SYNDIG1L: variants seen among roughly 807,000 people sequenced by gnomAD.
The protein encoded by SYNDIG1L is synapse differentiation inducing 1 like.
Under a neutral mutation model 20.1 loss-of-function variants are expected in SYNDIG1L, and 13 were observed. The ratio of observed to expected loss-of-function variants is 0.65; its 90% CI spans 0.42 to 1.03. The LOEUF is 1.03. Among genes scored for constraint, SYNDIG1L ranks in the 50% least tolerant of loss-of-function variants. The probability of loss-of-function intolerance (pLI) is 0.00; values close to 1 mark genes in which losing one functional copy is unlikely to be tolerated. For synonymous variants in SYNDIG1L, 128 were observed against 129.3 expected, an observed-to-expected ratio of 0.99 and a Z score of 0.07; for missense variants, 294 against 305.1, an observed-to-expected ratio of 0.96 and a Z score of 0.27.
At chr14:74,432,178 T>A in the SYNDIG1L span, among the ~76,000 whole-genome samples, 8,124 of 129,386 alleles carry the variant, frequency 0.063, 377 homozygotes, top group South Asian at 0.14. Flanking sequence ...TGTGTGTGTG[T>A]GTGAGAGAGA....
the SYNDIG1L span, among the ~76,000 whole-genome samples, chr14:74,462,894 AC>A: frequency 6.6e-6 from 1 of 152,168 alleles, no homozygotes; most frequent in South Asian, 2.1e-4. Context: ...TCAAGGAGCA[AC>A]TGTACTTGAG....
the SYNDIG1L span, among the ~76,000 whole-genome samples, chr14:74,467,701 G>A: frequency 1.3e-5 from 2 of 152,242 alleles, no homozygotes; most frequent in African/African-American, 2.4e-5. Flanking sequence ...GGAGGGATTG[G>A]GGGGAAGCCC....
chr14:74,413,600 C>CA (rs1249981031), intron 1 of SYNDIG1L, among the ~76,000 whole-genome samples: 5 of 149,588 alleles, frequency 3.3e-5, no homozygotes, highest in Non-Finnish European at 7.4e-5. Flanking sequence ...CTGTTTTCCA[C>CA]ATTTTTTTTT....
chr14:74,410,893 T>G lies in SYNDIG1L; in HGVS notation c.-57-1092A>C, dbSNP rs917099709. ...GGATCTAAGGTGGGGCCTCCTGGGT[T>G]CTGAGGTCTGGACCTGCACATCCCG... is the stretch of plus-strand genomic sequence containing the variant. On this transcript the variant is annotated intron_variant, in intron 1 of 3. Coordinates refer to ENST00000331628, the MANE Select transcript of SYNDIG1L (RefSeq NM_001105579.2). 5.3e-5 allele frequency among the ~76,000 whole-genome samples: 8 copies of G among 152,240 alleles called. No homozygotes were observed. The East Asian group carries it at 1.5e-3, about 29-fold the overall frequency.
the SYNDIG1L span, among the ~76,000 whole-genome samples, chr14:74,463,166 A>G: frequency 0.035 from 5,321 of 152,190 alleles, 333 homozygotes; most frequent in African/African-American, 0.12. Flanking sequence ...TTGAAATCCA[A>G]TGGCCACTTC....
At chr14:74,408,016 A>G (rs1186677887) in intron 2 of SYNDIG1L, 27 bp from the exon 3 acceptor site, 1 of 1,591,296 alleles carries the variant, frequency 6.3e-7, no homozygotes. Context: ...TTTGGTGACC[A>G]GGCCCAGGAT....
intron 1 of SYNDIG1L, among the ~76,000 whole-genome samples, chr14:74,421,400 G>C (rs936597486): frequency 3.9e-5 from 6 of 152,182 alleles, no homozygotes; most frequent in African/African-American, 1.4e-4. Flanking sequence ...ACATGAAGGA[G>C]AGTCCCAGGA....
chr14:74,428,044 G>T (rs1387711051), upstream of SYNDIG1L, among the ~76,000 whole-genome samples: 2 of 152,270 alleles, frequency 1.3e-5, no homozygotes, highest in Non-Finnish European at 2.9e-5. Context: ...ACATGCTGCT[G>T]CCTGGAGGGA....
intron 1 of SYNDIG1L, among the ~76,000 whole-genome samples, chr14:74,423,724 A>C (rs10133332): frequency 0.15 from 22,859 of 151,962 alleles, 3,894 homozygotes; most frequent in African/African-American, 0.42. Context: ...ACGTAACACA[A>C]ATATAAATTC....
At position 74,409,668 on chromosome 14, in the gene SYNDIG1L, G is replaced by C; in HGVS notation, c.77C>G (p.Pro26Arg). ...GCAGGACCAGCTGGGTGGGGTCTCC[G>C]GGTAGGGATAGGGGCCATGGAGATG... ...PAHLHGPYPYPETPPSWSCQE... is the reference protein window; with the variant it reads ...PAHLHGPYPYRETPPSWSCQE... Residue 26 changes from proline to arginine, a missense_variant, in exon 2 of 4, where the codon CCG becomes CGG. Coordinates refer to ENST00000331628, the MANE Select transcript of SYNDIG1L (RefSeq NM_001105579.2). 6.7e-7 allele frequency: 1 copy of C among 1,498,058 alleles called. No individual in the cohort carries two copies. The highest frequency in any genetic ancestry group is 1.8e-4 in the Middle Eastern group (1 of 5,532). The allele number at this position is 1,498,058 out of a possible 1,614,324, so 92.8% of individuals were successfully genotyped here. A position where few individuals can be genotyped will look rare whatever the true frequency, so the allele number is the denominator to read the frequency against.
the SYNDIG1L span, among the ~76,000 whole-genome samples, chr14:74,449,008 G>C: frequency 2.6e-5 from 4 of 152,096 alleles, no homozygotes; most frequent in Admixed American, 2.6e-4. Flanking sequence ...GAGACAGAAG[G>C]ATCACTTGAG....
At chr14:74,458,336 C>T in the SYNDIG1L span, among the ~76,000 whole-genome samples, 1 of 151,864 alleles carries the variant, frequency 6.6e-6, no homozygotes, top group Admixed American at 6.6e-5. Flanking sequence ...AGGCTCACAC[C>T]TATAATCCCA....
At chr14:74,439,942 A>G in the SYNDIG1L span, among the ~76,000 whole-genome samples, 1 of 152,174 alleles carries the variant, frequency 6.6e-6, no homozygotes, top group African/African-American at 2.4e-5. Context: ...TCAATGGTAT[A>G]AGGGTGCTCC....
At chr14:74,421,641 T>C (rs1188898388) in intron 1 of SYNDIG1L, among the ~76,000 whole-genome samples, 1 of 152,124 alleles carries the variant, frequency 6.6e-6, no homozygotes, top group Non-Finnish European at 1.5e-5. Flanking sequence ...TAAAGTGTGT[T>C]AAAGAGTAGA....
upstream of SYNDIG1L, among the ~76,000 whole-genome samples, chr14:74,427,439 T>G (rs529221810): frequency 5.4e-4 from 82 of 152,182 alleles, no homozygotes; most frequent in African/African-American, 2.0e-3. Context: ...TCCCACAGGA[T>G]GTGGGCATCT....
At chr14:74,463,221 G>A in the SYNDIG1L span, among the ~76,000 whole-genome samples, 3 of 152,254 alleles carry the variant, frequency 2.0e-5, no homozygotes, top group Admixed American at 6.5e-5. Context: ...TCCACATTGG[G>A]CACTCCCTCC....
rs112016863 is a variant in SYNDIG1L at position 74,412,231 on chromosome 14, C to T, written c.-57-2430G>A. Among the ~76,000 whole-genome samples, 279 of 152,302 alleles carry T rather than the reference C, an allele frequency of 1.8e-3. 2 individuals carry two copies. In the East Asian group the frequency reaches 0.023, roughly 13 times the overall value. On this transcript the variant is annotated intron_variant, in intron 1 of 3. Transcript: ENST00000331628. Reference sequence around the variant, plus strand: ...GGCAGAGGCCTTGCTGGGCTGGGCTCGTGGCTGGGCTCCTCTGGGCAGATT... The same window carrying T: ...GGCAGAGGCCTTGCTGGGCTGGGCTTGTGGCTGGGCTCCTCTGGGCAGATT...
Position 74,425,905 on chromosome 14 carries a change from C to G in SYNDIG1L, c.-58+7G>C, listed in dbSNP as rs117114690. On this transcript the variant is annotated splice_region_variant and intron_variant, in intron 1 of 3. Transcript: ENST00000331628. ...CGCTCCCGCGGCGCCCCCAGACCGC[C>G]CCTTACCTGTCCCGCCGCGGACGGT... The G allele has an allele frequency of 6.6e-6, 1 of 152,150 alleles. No homozygotes were observed. Among genetic ancestry groups the G allele is most frequent in the African/African-American group, 2.4e-5 (1 of 41,412 alleles). The allele number at this position is 152,150 out of a possible 1,614,324, so 9.4% of individuals were successfully genotyped here.
At chr14:74,434,822 C>G in the SYNDIG1L span, among the ~76,000 whole-genome samples, 278 of 151,724 alleles carry the variant, frequency 1.8e-3, 1 homozygote, top group African/African-American at 6.0e-3. Flanking sequence ...TGGCTCACAC[C>G]TGTAATCCCA....
Sources: allele counts gnomAD v4.1 joint callset (sites outside exome capture counted in the v4.1 genomes callset), GRCh38; gene constraint gnomAD v4.1.1; transcripts MANE v1.5; gene names NCBI Gene and HGNC (gene_info 2026-07-23, HGNC 2026-07-21).